FMR1: variants seen among roughly 807,000 people sequenced by gnomAD.
FMR1 encodes the protein FMRP translational regulator 1.
A neutral mutation model predicts 50.6 loss-of-function variants in FMR1; 13 were observed. That is an observed-to-expected ratio of 0.26 (90% CI 0.17 to 0.41). FMR1 has a LOEUF of 0.41. Ranked by LOEUF, FMR1 falls within the 10% of genes least tolerant of loss-of-function variation. The pLI is 1.00. For missense variants in FMR1, 316 were observed against 491.3 expected, an observed-to-expected ratio of 0.64 and a Z score of 3.37; for synonymous variants, 138 against 164.1, an observed-to-expected ratio of 0.84 and a Z score of 1.22.
Position 147,945,066 on chromosome X carries a change from A to C in FMR1, c.1654+15A>C. Reference sequence around the variant, plus strand: ...AGGCTTCAAAGGTATGGAGATCTTCATTAAGAAATCAAAGTGAATTGTAAC... The same window carrying C: ...AGGCTTCAAAGGTATGGAGATCTTCCTTAAGAAATCAAAGTGAATTGTAAC... On this transcript the variant is annotated intron_variant, in intron 15 of 16. Transcript: ENST00000370475. 1 of 1,169,323 alleles carries C rather than the reference A, an allele frequency of 8.6e-7. No individual in the cohort carries two copies. Among genetic ancestry groups the C allele is most frequent in the Non-Finnish European group, 1.1e-6 (1 of 873,476 alleles).
intron 13 of FMR1, 122 bp from the exon 14 acceptor site, chrX:147,943,009 T>C (rs2044060742): frequency 5.2e-6 from 3 of 575,895 alleles, no homozygotes; most frequent in Non-Finnish European, 8.5e-6. Flanking sequence ...TAACAGTGTT[T>C]ACTGTAAATT....
intron 13 of FMR1, among the ~76,000 whole-genome samples, chrX:147,942,729 G>T (rs1156881481): frequency 8.9e-6 from 1 of 112,270 alleles, no homozygotes; most frequent in Non-Finnish European, 1.9e-5. Context: ...AGGTTAGCTG[G>T]TTATACCTTG....
chrX:147,913,446 G>A (rs1204111406), intron 1 of FMR1: 1 of 111,912 alleles, frequency 8.9e-6, no homozygotes, highest in Non-Finnish European at 1.9e-5. Flanking sequence ...GGTGCGTGTG[G>A]AAGGAAGGCT....
At position 147,911,963 on chromosome X, in the gene FMR1, G is replaced by A. The variant is rs1430758261; in HGVS notation, c.-217G>A. ...CCGTTTCGGTTTCACTTCCGGTGGAGGGCCGCCTCTGAGCGGGCGGCGGGC... is the reference window on the plus strand; with the variant it reads ...CCGTTTCGGTTTCACTTCCGGTGGAAGGCCGCCTCTGAGCGGGCGGCGGGC... On this transcript the variant is annotated 5_prime_UTR_variant, in exon 1 of 17. Coordinates refer to ENST00000370475, the MANE Select transcript of FMR1 (RefSeq NM_002024.6). The A allele has an allele frequency of 9.1e-6, 1 of 109,594 alleles. No homozygotes were observed. Among genetic ancestry groups the A allele is most frequent in the Non-Finnish European group, 1.9e-5 (1 of 52,041 alleles). 9.0% of individuals were successfully genotyped at this position (109,594 alleles called of 1,213,427 possible).
At chrX:147,939,177 A>G (rs2043892538) in intron 12 of FMR1, among the ~76,000 whole-genome samples, 1 of 112,181 alleles carries the variant, frequency 8.9e-6, no homozygotes, top group African/African-American at 3.2e-5. Flanking sequence ...AAAACCCAAC[A>G]TGCAGAAATG....
chrX:147,912,750 A>G (rs1343278792), intron 1 of FMR1: 5 of 297,585 alleles, frequency 1.7e-5, no homozygotes, highest in Admixed American at 6.0e-5. Flanking sequence ...GGAGAGCTCC[A>G]CTGTTCTGGG....
At chrX:147,922,541 G>GA (rs2124475093) in intron 2 of FMR1, among the ~76,000 whole-genome samples, 1 of 111,791 alleles carries the variant, frequency 8.9e-6, no homozygotes, top group African/African-American at 3.2e-5. Context: ...TTAACTGTAT[G>GA]AAAGCATCAA....
chrX:147,947,816 T>C (rs1311006913), intron 16 of FMR1, among the ~76,000 whole-genome samples: 1 of 112,007 alleles, frequency 8.9e-6, no homozygotes, highest in African/African-American at 3.2e-5. Context: ...ATTACAACCA[T>C]TTGGGGATGT....
At chrX:147,942,005 A>G (rs993988475) in intron 13 of FMR1, among the ~76,000 whole-genome samples, 1 of 112,528 alleles carries the variant, frequency 8.9e-6, no homozygotes, top group Non-Finnish European at 1.9e-5. Flanking sequence ...AGCTATTACT[A>G]TACCTTTGGA....
chrX:147,912,145 G>T lies in FMR1; in HGVS notation c.-35G>T, dbSNP rs1557173962. On this transcript the variant is annotated 5_prime_UTR_variant, in exon 1 of 17. Coordinates refer to ENST00000370475, the MANE Select transcript of FMR1 (RefSeq NM_002024.6). ...GAGCGCCCGCAGCCCACCTCTCGGG[G>T]GCGGGCTCCCGGCGCTAGCAGGGCT... The T allele has an allele frequency of 1.4e-5, 15 of 1,096,667 alleles. No homozygotes were observed. The highest frequency in any genetic ancestry group is 1.8e-5 in the Non-Finnish European group (15 of 833,160). The allele number at this position is 1,096,667 out of a possible 1,213,427, so 90.4% of individuals were successfully genotyped here. A position where few individuals can be genotyped will look rare whatever the true frequency, so the allele number is the denominator to read the frequency against.
intron 4 of FMR1, 89 bp from the exon 5 acceptor site, chrX:147,928,570 A>T: frequency 1.1e-6 from 1 of 907,124 alleles, no homozygotes; most frequent in Non-Finnish European, 1.6e-6. Flanking sequence ...TTTCACATAG[A>T]TTATTTATTT....
In FMR1 at chrX:147,912,108, C is replaced by G. The variant is rs868932965; in HGVS notation, c.-72C>G. 5 of 739,292 alleles carry G rather than the reference C, an allele frequency of 6.8e-6. No homozygotes were observed. Among genetic ancestry groups the G allele is most frequent in the Non-Finnish European group, 6.7e-6 (4 of 595,838 alleles). The allele number at this position is 739,292 out of a possible 1,213,427, so 60.9% of individuals were successfully genotyped here. On this transcript the variant is annotated 5_prime_UTR_variant, in exon 1 of 17. Coordinates refer to ENST00000370475, the MANE Select transcript of FMR1 (RefSeq NM_002024.6). The stretch of plus-strand genomic sequence containing the variant: ...GCGGCGGCGGCGGCGGCGGCGGCGG[C>G]GGCTGGGCCTCGAGCGCCCGCAGCC...
intron 1 of FMR1, among the ~76,000 whole-genome samples, chrX:147,918,271 G>A (rs2042970880): frequency 9.0e-6 from 1 of 111,714 alleles, no homozygotes; most frequent in African/African-American, 3.3e-5. Flanking sequence ...AAAGACCTTA[G>A]AATTCACAGG....
chrX:147,946,104 C>G lies in FMR1; in HGVS notation c.1737+488C>G, dbSNP rs1320054146. Among the ~76,000 whole-genome samples, 3 of 110,094 alleles carry G rather than the reference C, an allele frequency of 2.7e-5. No homozygotes were observed. In the East Asian group the frequency reaches 8.6e-4, roughly 32 times the overall value. ...GTTGGTCAGGCTGGTCTTGAACTCC[C>G]AACCTCAGGTGATCTGCCCACCTTG... is the stretch of plus-strand genomic sequence containing the variant. On this transcript the variant is annotated intron_variant, in intron 16 of 16. Transcript: ENST00000370475.
chrX:147,948,884 G>A lies in FMR1; in HGVS notation c.*40G>A, dbSNP rs376725656. The A allele has an allele frequency of 6.5e-5, 76 of 1,169,466 alleles. 1 individual carries two copies. In the African/African-American group the frequency reaches 6.7e-4, roughly 10 times the overall value. ...AAGTTATATTTCCTATACCATTTCC[G>A]TAATTCTTATTCCATATTAGAAAAC... is the stretch of plus-strand genomic sequence containing the variant. On this transcript the variant is annotated 3_prime_UTR_variant, in exon 17 of 17. Coordinates refer to ENST00000370475, the MANE Select transcript of FMR1 (RefSeq NM_002024.6).
At chrX:147,935,633 C>T (rs1328355875) in intron 9 of FMR1, among the ~76,000 whole-genome samples, 1 of 111,560 alleles carries the variant, frequency 9.0e-6, no homozygotes, top group Non-Finnish European at 1.9e-5. Context: ...CTTTACCACT[C>T]GTGTCATGAT....
At position 147,938,106 on chromosome X, in the gene FMR1, T is replaced by G; in HGVS notation, c.1133T>G (p.Val378Gly). The G allele has an allele frequency of 8.3e-7, 1 of 1,206,795 alleles. No individual in the cohort carries two copies. The highest frequency in any genetic ancestry group is 1.1e-6 in the Non-Finnish European group (1 of 890,649). The change falls in exon 12 of 17, where the codon GTG becomes GGG. Residue 378 changes from valine (V) to glycine (G), a missense_variant. This residue lies in a region of FMR1 where 53 missense variants were observed against 51.5 expected (regional missense o/e 1.03). Transcript: ENST00000370475. ...TTCCTTATACTGCTTTAGGTGTTAG[T>G]GGCTTCATCAGTTGTAGCAGGGGAA... ...PNSTKVQRVL[V>G]ASSVVAGESQ... is the part of the protein sequence containing the mutation.
intron 16 of FMR1, among the ~76,000 whole-genome samples, chrX:147,948,222 C>A (rs1236708970): frequency 6.2e-5 from 7 of 112,318 alleles, no homozygotes; most frequent in Non-Finnish European, 1.3e-4. Context: ...AAATTAAAGT[C>A]TAGTTAGTGA....
At chrX:147,917,426 G>C (rs2042927354) in intron 1 of FMR1, among the ~76,000 whole-genome samples, 1 of 111,761 alleles carries the variant, frequency 8.9e-6, no homozygotes, top group African/African-American at 3.3e-5. Flanking sequence ...ACCCCTTAAT[G>C]ATTTATTTCC....
Sources: gnomAD v4.1 joint callset for allele counts (sites outside exome capture counted in the v4.1 genomes callset) on GRCh38, gnomAD v4.1.1 for gene constraint, gnomAD v4.1.1 regional missense constraint, MANE v1.5 for transcripts, NCBI Gene and HGNC (gene_info 2026-07-23, HGNC 2026-07-21) for gene names.